The following PLIN3 variants were observed in gnomAD, a reference collection of about 807,000 sequenced individuals.
The protein encoded by PLIN3 is perilipin 3.
A neutral mutation model predicts 35.9 loss-of-function variants in PLIN3; 30 were observed. That is an observed-to-expected ratio of 0.84 (90% CI 0.62 to 1.13). The LOEUF is 1.13. PLIN3 is among the 50% of genes most tolerant of loss of function. The pLI is 0.00. For missense variants in PLIN3, 603 were observed against 596.9 expected, an observed-to-expected ratio of 1.01 and a Z score of -0.11; for synonymous variants, 261 against 262.5, an observed-to-expected ratio of 0.99 and a Z score of 0.06.
intron 1 of PLIN3, among the ~76,000 whole-genome samples, chr19:4,865,260 G>A (rs1329539816): frequency 1.3e-5 from 2 of 151,936 alleles, no homozygotes; most frequent in African/African-American, 2.4e-5. Context: ...AGGCTGAGGC[G>A]GGCAGATCAC....
intron 3 of PLIN3, 73 bp from the exon 4 acceptor site, chr19:4,859,745 A>C: frequency 6.3e-7 from 1 of 1,599,950 alleles, no homozygotes; most frequent in South Asian, 1.1e-5. Context: ...GGACAGGACC[A>C]AGAGCTGGGT....
Position 4,861,429 on chromosome 19 carries a change from G to C in PLIN3, c.-17-18C>G, listed in dbSNP as rs754861514. On this transcript the variant is annotated intron_variant, in intron 1 of 7. Coordinates refer to ENST00000221957, the MANE Select transcript of PLIN3 (RefSeq NM_005817.5). ...AGCAGACGCTGAGGAGAGAGGAACA[G>C]TCAGGTACAGCCTGCCTGGCCCCAC... 3 of 1,585,254 alleles carry C rather than the reference G, an allele frequency of 1.9e-6. No homozygotes were observed. The South Asian group carries it at 3.3e-5, about 17-fold the overall frequency.
In PLIN3 at chr19:4,844,766, G is replaced by T; in HGVS notation, c.862C>A (p.Gln288Lys). The stretch of plus-strand genomic sequence containing the variant: ...TTCTCCTGGCCTTCCACCAGCTTCT[G>T]ATCAACGCCTTGCTTGACAGTTTCC... Reference protein sequence around the residue: ...LMETVKQGVDQKLVEGQEKLH... With the variant: ...LMETVKQGVDKKLVEGQEKLH... Residue 288 changes from glutamine to lysine, a missense_variant, in exon 7 of 8, where the codon CAG (glutamine) becomes AAG (lysine). Transcript: ENST00000221957. 6.2e-7 allele frequency: 1 copy of T among 1,602,278 alleles called. No homozygotes were observed.
intron 7 of PLIN3, 22 bp from the exon 8 acceptor site, chr19:4,839,558 C>T: frequency 1.4e-6 from 2 of 1,473,398 alleles, no homozygotes; most frequent in Non-Finnish European, 1.8e-6. Context: ...GATGGGGACA[C>T]CAATCAGGAC....
At chr19:4,844,090 C>T (rs1431988861) in intron 7 of PLIN3, among the ~76,000 whole-genome samples, 1 of 152,068 alleles carries the variant, frequency 6.6e-6, no homozygotes, top group African/African-American at 2.4e-5. Context: ...GGTGGTGGGA[C>T]AGGCAGCGAG....
chr19:4,843,347 A>T (rs1378387134), intron 7 of PLIN3, among the ~76,000 whole-genome samples: 1 of 151,938 alleles, frequency 6.6e-6, no homozygotes, highest in East Asian at 1.9e-4. Flanking sequence ...TCTACTAAAA[A>T]TACAAAAAAA....
chr19:4,854,172 G>A (rs1443352919), intron 4 of PLIN3, among the ~76,000 whole-genome samples: 1 of 151,766 alleles, frequency 6.6e-6, no homozygotes, highest in Non-Finnish European at 1.5e-5. Flanking sequence ...GCCTCAAGCA[G>A]TCCTCCTGCT....
At chr19:4,846,669 C>G (rs1214516178) in intron 6 of PLIN3, among the ~76,000 whole-genome samples, 1 of 150,824 alleles carries the variant, frequency 6.6e-6, no homozygotes, top group Non-Finnish European at 1.5e-5. Flanking sequence ...ACTACACTCC[C>G]GCCTGGGCAA....
At chr19:4,848,129 G>A (rs2030169661) in intron 5 of PLIN3, among the ~76,000 whole-genome samples, 1 of 152,006 alleles carries the variant, frequency 6.6e-6, no homozygotes, top group Non-Finnish European at 1.5e-5. Flanking sequence ...GATTACAGGC[G>A]CCCGCCACCA....
intron 2 of PLIN3, among the ~76,000 whole-genome samples, 174 bp downstream of exon 2, chr19:4,861,155 C>A (rs377587687): frequency 6.6e-6 from 1 of 152,244 alleles, no homozygotes; most frequent in African/African-American, 2.4e-5. Flanking sequence ...GAGATTCCCC[C>A]CTCCCAACTG....
In PLIN3 at chr19:4,839,164, G is replaced by T. The variant is rs368144778; in HGVS notation, c.*28C>A. On this transcript the variant is annotated 3_prime_UTR_variant, in exon 8 of 8. Transcript: ENST00000221957. The stretch of plus-strand genomic sequence containing the variant: ...CAGAGCACAGCTGCATTATAGAGAC[G>T]GGGCCCGCTGAGTCCTCTCCTCTCC... 3.0e-5 allele frequency: 46 copies of T among 1,548,688 alleles called. No individual in the cohort carries two copies. Among genetic ancestry groups the T allele is most frequent in the Non-Finnish European group, 3.8e-5 (43 of 1,135,704 alleles).
intron 4 of PLIN3, among the ~76,000 whole-genome samples, chr19:4,853,910 C>T (rs1330100553): frequency 6.7e-6 from 1 of 149,948 alleles, no homozygotes; most frequent in Non-Finnish European, 1.5e-5. Context: ...CTGTCAATAC[C>T]TGCTGTTCTC....
chr19:4,859,304 C>T (rs1219466328), intron 4 of PLIN3, among the ~76,000 whole-genome samples: 1 of 152,110 alleles, frequency 6.6e-6, no homozygotes, highest in Non-Finnish European at 1.5e-5. Context: ...GCTGGATCAC[C>T]TGAGGTCAGG....
chr19:4,859,605 C>T lies in PLIN3; in HGVS notation c.333G>A (p.Gln111=), dbSNP rs1303511726. The change falls in exon 4 of 8, where the codon CAG becomes CAA. Residue 111 remains glutamine, a synonymous_variant. Transcript: ENST00000221957. ...DKLEENLPIL[Q]QPTEKVLADT... is the part of the protein sequence containing the mutation. ...ACATCGTTACCTTCTCCGTGGGCTG[C>T]TGCAGGATGGGGAGGTTCTCCTCCA... 7 of 1,614,112 alleles carry T rather than the reference C, an allele frequency of 4.3e-6. No individual in the cohort carries two copies. The South Asian group carries it at 7.7e-5, about 18-fold the overall frequency.
chr19:4,861,230 G>A lies in PLIN3; in HGVS notation c.66+99C>T, dbSNP rs2030663900. The A allele has an allele frequency of 5.1e-6, 5 of 986,926 alleles. No homozygotes were observed. The South Asian group carries it at 6.6e-5, about 13-fold the overall frequency. The allele number at this position is 986,926 out of a possible 1,614,324, so 61.1% of individuals were successfully genotyped here. A position where few individuals can be genotyped will look rare whatever the true frequency, so the allele number is the denominator to read the frequency against. On this transcript the variant is annotated intron_variant, in intron 2 of 7. Coordinates refer to ENST00000221957, the MANE Select transcript of PLIN3 (RefSeq NM_005817.5). ...ATCCCTCTGGCTCCGTGAGCTGCCG[G>A]CAGATCCCTGGCTCCCTGCCAGGGC...
At chr19:4,861,515 G>C in intron 1 of PLIN3, 104 bp from the exon 2 acceptor site, 1 of 738,410 alleles carries the variant, frequency 1.4e-6, no homozygotes. Flanking sequence ...ACCTGCCCAT[G>C]ACTTACAGCT....
intron 2 of PLIN3, among the ~76,000 whole-genome samples, chr19:4,860,297 C>G: frequency 6.6e-6 from 1 of 152,128 alleles, no homozygotes; most frequent in Non-Finnish European, 1.5e-5. Context: ...ACCTCCACCT[C>G]CCAGGTTCAA....
At chr19:4,842,548 C>T (rs550354684) in intron 7 of PLIN3, among the ~76,000 whole-genome samples, 23 of 138,062 alleles carry the variant, frequency 1.7e-4, no homozygotes, top group Admixed American at 6.5e-4. Flanking sequence ...TGCAGTGAGC[C>T]GAGATCATGA....
rs369542961 is a variant in PLIN3 at position 4,859,976 on chromosome 19, A to G, written c.115T>C (p.Cys39Arg). 94 of 1,613,996 alleles carry G rather than the reference A, an allele frequency of 5.8e-5. No homozygotes were observed. The highest frequency in any genetic ancestry group is 7.3e-5 in the Non-Finnish European group (86 of 1,180,020). Residue 39 changes from cysteine to arginine, a missense_variant, in exon 3 of 8, where the codon TGC becomes CGC. Coordinates refer to ENST00000221957, the MANE Select transcript of PLIN3 (RefSeq NM_005817.5). ...GCATAGGCTGCGGACACCATGTCGC[A>G]GGTGGAGCTGATCAGAGGCATGCTG... ...VASMPLISST[C>R]DMVSAAYAST... is the part of the protein sequence containing the mutation.
Sources: allele counts gnomAD v4.1 joint callset (sites outside exome capture counted in the v4.1 genomes callset), GRCh38; gene constraint gnomAD v4.1.1; transcripts MANE v1.5; gene names NCBI Gene and HGNC (gene_info 2026-07-23, HGNC 2026-07-21).